CELF2: variants seen among roughly 807,000 people sequenced by gnomAD.
CELF2 encodes the protein CUG triplet repeat RNA-binding protein 2.
CELF2 carries 8 observed loss-of-function variants against 62.6 expected under a neutral mutation model. That is an observed-to-expected ratio of 0.13 (90% CI 0.07 to 0.23). The LOEUF (loss-of-function observed/expected upper bound fraction) is 0.23, where lower values mean the gene tolerates loss of function less well. Ranked by LOEUF, CELF2 falls within the 10% of genes least tolerant of loss-of-function variation. CELF2 has a pLI of 1.00. For synonymous variants in CELF2, 258 were observed against 250.0 expected (o/e 1.03, Z -0.30); for missense variants, 333 against 671.0 (o/e 0.50, Z 5.56).
chr10:11,181,021 C>T (rs2073182983), intron 2 of CELF2, among the ~76,000 whole-genome samples: 1 of 152,160 alleles, frequency 6.6e-6, no homozygotes, highest in African/African-American at 2.4e-5. Context: ...AGGTGGCTGC[C>T]AGTATGCCCT....
At chr10:10,996,937 C>G (rs914688729) in intron 2 of CELF2, among the ~76,000 whole-genome samples, 1 of 152,168 alleles carries the variant, frequency 6.6e-6, no homozygotes, top group Non-Finnish European at 1.5e-5. Context: ...TGGTTGCCTT[C>G]TTGGTCAACA....
At chr10:10,969,916 A>G (rs1019397074) in intron 2 of CELF2, among the ~76,000 whole-genome samples, 1 of 152,136 alleles carries the variant, frequency 6.6e-6, no homozygotes, top group East Asian at 1.9e-4. Context: ...TTGTTGTTTA[A>G]ACACTTAATT....
chr10:10,943,621 CAG>C (rs1436779669), intron 2 of CELF2, among the ~76,000 whole-genome samples: 1 of 151,486 alleles, frequency 6.6e-6, no homozygotes, highest in East Asian at 1.9e-4. Context: ...GTTTGTTTGA[CAG>C]AGTCTCGCTC....
intron 8 of CELF2, among the ~76,000 whole-genome samples, chr10:11,279,827 C>A (rs577430615): frequency 2.0e-5 from 3 of 152,234 alleles, no homozygotes; most frequent in South Asian, 4.1e-4. Flanking sequence ...GGATATTTTT[C>A]CCCAAGTATT....
chr10:11,125,527 T>C (rs916193818), intron 1 of CELF2, among the ~76,000 whole-genome samples: 5 of 152,120 alleles, frequency 3.3e-5, no homozygotes, highest in African/African-American at 1.2e-4. Flanking sequence ...TTGAAAATAC[T>C]TCTCTCTTGA....
chr10:11,253,723 T>C (rs545426995), intron 4 of CELF2, among the ~76,000 whole-genome samples: 95 of 152,294 alleles, frequency 6.2e-4, no homozygotes, highest in Middle Eastern at 3.4e-3. Flanking sequence ...TTTAAAGTAT[T>C]AACCCATTCT....
chr10:10,623,991 C>A, the CELF2 span, among the ~76,000 whole-genome samples: 1 of 152,128 alleles, frequency 6.6e-6, no homozygotes, highest in African/African-American at 2.4e-5. Context: ...TCTGATAAGA[C>A]TATGATAAAA....
the CELF2 span, among the ~76,000 whole-genome samples, chr10:10,577,945 G>A: frequency 5.9e-5 from 9 of 152,200 alleles, no homozygotes; most frequent in South Asian, 2.1e-4. Context: ...ACCGACTTCC[G>A]CAATGGTTGA....
chr10:11,265,287 C>T (rs2081895613), intron 5 of CELF2, among the ~76,000 whole-genome samples: 1 of 152,238 alleles, frequency 6.6e-6, no homozygotes, highest in African/African-American at 2.4e-5. Context: ...GCTTTTCATG[C>T]ATTCACTCTG....
At chr10:11,081,667 A>G (rs1297293238) in intron 1 of CELF2, among the ~76,000 whole-genome samples, 2 of 152,216 alleles carry the variant, frequency 1.3e-5, no homozygotes, top group Non-Finnish European at 2.9e-5. Context: ...TGGATTTAGA[A>G]ATAGATGAAA....
the CELF2 span, among the ~76,000 whole-genome samples, chr10:10,541,189 G>C: frequency 2.1e-5 from 3 of 144,738 alleles, no homozygotes; most frequent in South Asian, 2.2e-4. Flanking sequence ...CTTGCAGTGA[G>C]CTGAGATCAT....
chr10:10,662,001 G>C, the CELF2 span, among the ~76,000 whole-genome samples: 3 of 152,160 alleles, frequency 2.0e-5, 1 homozygote, highest in East Asian at 5.8e-4. Context: ...TAGCCTCCCA[G>C]GTACCTCTGG....
At position 11,224,727 on chromosome 10, in the gene CELF2, A is replaced by G. The variant is rs1012106791; in HGVS notation, c.354+7220A>G. ...GCTGGACAGATCTTTAATCTTTGAC[A>G]TCAGCTGAGCGTAACTCAGGAGATG... is the stretch of plus-strand genomic sequence containing the variant. On this transcript the variant is annotated intron_variant, in intron 3 of 12. Transcript: ENST00000633077. This position sits in a 1 kb window ranked among gnomAD's most constrained non-coding sequence, Gnocchi z 4.5. Among the ~76,000 whole-genome samples the G allele has an allele frequency of 2.0e-5, 3 of 152,198 alleles. No homozygotes were observed. The highest frequency in any genetic ancestry group is 7.2e-5 in the African/African-American group (3 of 41,448).
At chr10:10,760,239 C>A in the CELF2 span, among the ~76,000 whole-genome samples, 6 of 152,082 alleles carry the variant, frequency 3.9e-5, no homozygotes, top group Non-Finnish European at 8.8e-5. Flanking sequence ...TGACTCTTAC[C>A]TTTCCTGCCC....
At chr10:10,523,684 T>C in the CELF2 span, among the ~76,000 whole-genome samples, 1 of 152,200 alleles carries the variant, frequency 6.6e-6, no homozygotes, top group Non-Finnish European at 1.5e-5. Flanking sequence ...TAATAAACAC[T>C]TATTGAACAC....
upstream of CELF2, among the ~76,000 whole-genome samples, chr10:10,798,136 TAA>T (rs2054271606): frequency 1.3e-5 from 2 of 152,100 alleles, no homozygotes; most frequent in South Asian, 4.1e-4. Context: ...AAACACACAG[TAA>T]AGTCTAGCTT....
chr10:11,270,955 A>T lies in CELF2; in HGVS notation c.777+131A>T. Reference sequence around the variant, plus strand: ...CGGGGAATTATTGAAATCAGCATTTATGCAGGATATTTTTCCAAGTTAGAT... The same window carrying T: ...CGGGGAATTATTGAAATCAGCATTTTTGCAGGATATTTTTCCAAGTTAGAT... On this transcript the variant is annotated intron_variant, in intron 7 of 12. Coordinates refer to ENST00000633077, the MANE Select transcript of CELF2 (RefSeq NM_001326342.2). The surrounding 1 kb of genome is among the most constrained non-coding windows in gnomAD (Gnocchi z 5.8). 2.3e-6 allele frequency: 2 copies of T among 884,658 alleles called. No individual in the cohort carries two copies. The highest frequency in any genetic ancestry group is 4.5e-5 in the South Asian group (1 of 22,396). 54.8% of individuals were successfully genotyped at this position (884,658 alleles called of 1,614,324 possible).
chr10:10,477,537 A>T, the CELF2 span, among the ~76,000 whole-genome samples: 1 of 152,232 alleles, frequency 6.6e-6, no homozygotes, highest in East Asian at 1.9e-4. Context: ...TATAAACCTC[A>T]TCAATCACAT....
At chr10:10,793,000 A>T in the CELF2 span, among the ~76,000 whole-genome samples, 1 of 152,216 alleles carries the variant, frequency 6.6e-6, no homozygotes. Context: ...TGAAAAAAGC[A>T]TTCCTTCCCA....
Sources: allele counts gnomAD v4.1 joint callset (sites outside exome capture counted in the v4.1 genomes callset), GRCh38; gene constraint gnomAD v4.1.1; non-coding constraint Gnocchi (gnomAD v3.1); transcripts MANE v1.5; gene names NCBI Gene and HGNC (gene_info 2026-07-23, HGNC 2026-07-21).